Variants in VAV3 observed in about 807,000 individuals in gnomAD.
VAV3 encodes the protein vav guanine nucleotide exchange factor 3.
In VAV3, 94 loss-of-function variants were observed where a neutral mutation model predicts 131.2. That is an observed-to-expected ratio of 0.72 (90% CI 0.61 to 0.85). The LOEUF is 0.85. Among genes scored for constraint, VAV3 ranks in the 40% least tolerant of loss-of-function variants. The probability of loss-of-function intolerance (pLI) is 0.00; values close to 1 mark genes in which losing one functional copy is unlikely to be tolerated. For missense variants in VAV3, 939 were observed against 1,002.7 expected, an observed-to-expected ratio of 0.94 and a Z score of 0.86; for synonymous variants, 349 against 342.0, an observed-to-expected ratio of 1.02 and a Z score of -0.22.
At chr1:107,739,350 T>C (rs61357995) in intron 15 of VAV3, among the ~76,000 whole-genome samples, 3,903 of 152,318 alleles carry the variant, frequency 0.026, 174 homozygotes, top group African/African-American at 0.087. Flanking sequence ...GCTGTGATTT[T>C]TCTGAGCACT....
intron 1 of VAV3, among the ~76,000 whole-genome samples, chr1:107,924,970 T>C (rs1673081681): frequency 6.6e-6 from 1 of 152,196 alleles, no homozygotes; most frequent in Admixed American, 6.5e-5. Flanking sequence ...ATGTACAGGA[T>C]GGTCAAGGCA....
At chr1:107,689,661 T>C (rs927734537) in intron 17 of VAV3, among the ~76,000 whole-genome samples, 6 of 152,300 alleles carry the variant, frequency 3.9e-5, no homozygotes, top group African/African-American at 9.6e-5. Flanking sequence ...CACAAATAAC[T>C]GCCTTCTATG....
intron 8 of VAV3, among the ~76,000 whole-genome samples, chr1:107,766,240 C>G (rs1429318854): frequency 6.6e-6 from 1 of 152,092 alleles, no homozygotes; most frequent in Non-Finnish European, 1.5e-5. Flanking sequence ...GTCCTTCCCC[C>G]TCCTCCTTCT....
intron 2 of VAV3, among the ~76,000 whole-genome samples, chr1:107,788,081 C>T (rs967536403): frequency 6.6e-6 from 1 of 152,154 alleles, no homozygotes; most frequent in African/African-American, 2.4e-5. Flanking sequence ...TTCTCTCCTC[C>T]CATGCCTCTG....
chr1:107,864,709 C>T (rs1402994577), intron 2 of VAV3, among the ~76,000 whole-genome samples: 1 of 152,156 alleles, frequency 6.6e-6, no homozygotes, highest in Non-Finnish European at 1.5e-5. Context: ...GGTTTCCTTC[C>T]CAGTCTGTCT....
chr1:107,707,112 A>G (rs1236475753), intron 15 of VAV3, among the ~76,000 whole-genome samples: 5 of 152,240 alleles, frequency 3.3e-5, no homozygotes, highest in African/African-American at 1.2e-4. Context: ...TGTTAACAGT[A>G]GCTGCCCTAT....
chr1:107,586,251 G>A (rs1489293699), intron 25 of VAV3, among the ~76,000 whole-genome samples: 1 of 151,790 alleles, frequency 6.6e-6, no homozygotes, highest in Non-Finnish European at 1.5e-5. Context: ...ATCTCCATTA[G>A]AGTAGGGAAT....
intron 25 of VAV3, among the ~76,000 whole-genome samples, chr1:107,581,164 T>C (rs1462756278): frequency 6.6e-6 from 1 of 152,242 alleles, no homozygotes; most frequent in African/African-American, 2.4e-5. Context: ...CTGCGACCTT[T>C]TTCAATAGGT....
chr1:107,751,349 A>G, intron 12 of VAV3, 147 bp from the exon 13 acceptor site: 1 of 651,244 alleles, frequency 1.5e-6, no homozygotes, highest in Non-Finnish European at 2.5e-6. Flanking sequence ...TTACTCTAAA[A>G]AGCTCAGGTC....
At chr1:107,920,527 G>A (rs1672844681) in intron 1 of VAV3, among the ~76,000 whole-genome samples, 1 of 152,186 alleles carries the variant, frequency 6.6e-6, no homozygotes, top group Non-Finnish European at 1.5e-5. Flanking sequence ...TCTCACAAAT[G>A]TGTATATCTC....
intron 20 of VAV3, among the ~76,000 whole-genome samples, chr1:107,621,752 G>A (rs950312125): frequency 6.6e-6 from 1 of 152,010 alleles, no homozygotes; most frequent in African/African-American, 2.4e-5. Context: ...TTATCCTCCT[G>A]CCTCGTATTT....
rs561017259 is a variant in VAV3, at chr1:107,906,676, AAATAC to A, written c.205-31664_205-31660del. On this transcript the variant is annotated intron_variant, in intron 1 of 26. Coordinates refer to ENST00000370056, the MANE Select transcript of VAV3 (RefSeq NM_006113.5). ...GCAAGACTCCATTTCAAAAAAATTA[AAATAC>A]AATACAATACAATACATAAAATAAA... is the stretch of plus-strand genomic sequence containing the variant. Among the ~76,000 whole-genome samples the A allele has an allele frequency of 8.5e-4, 129 of 152,296 alleles. 1 individual carries two copies. The highest frequency in any genetic ancestry group is 2.8e-3 in the African/African-American group (115 of 41,568).
At chr1:107,633,256 A>G (rs994043763) in intron 20 of VAV3, among the ~76,000 whole-genome samples, 5 of 152,226 alleles carry the variant, frequency 3.3e-5, no homozygotes, top group African/African-American at 9.6e-5. Flanking sequence ...GAAAAGAAAC[A>G]GAGCTTGGTT....
chr1:107,665,534 G>T lies in VAV3; in HGVS notation c.1777+17954C>A, dbSNP rs928330819. The stretch of plus-strand genomic sequence containing the variant: ...TCTCCCTAGGAAATGTAAAGATAAA[G>T]ACCAGGTGTTTGTCCTCAAAGGAGC... On this transcript the variant is annotated intron_variant, in intron 19 of 26. Coordinates refer to ENST00000370056, the MANE Select transcript of VAV3 (RefSeq NM_006113.5). Among the ~76,000 whole-genome samples, 3 of 152,202 alleles carry T rather than the reference G, an allele frequency of 2.0e-5. No homozygotes were observed. The East Asian group carries it at 5.8e-4, about 29-fold the overall frequency.
rs1427354502 is a variant in VAV3, at chr1:107,617,568, C to T, written c.1979G>A (p.Cys660Tyr). The T allele has an allele frequency of 6.2e-7, 1 of 1,610,342 alleles. No individual in the cohort carries two copies. ...FPSDAVKPCP[C>Y]VPKPVDYSCQ... is the part of the protein sequence containing the mutation. ...GAAAATTAAGATACTAATACTTACA[C>T]ATGGGCAAGGCTTGACTGCATCACT... The change falls in exon 21 of 27, where the codon TGT (cysteine) becomes TAT (tyrosine). Residue 660 changes from cysteine (C) to tyrosine (Y), a missense_variant and splice_region_variant. Coordinates refer to ENST00000370056, the MANE Select transcript of VAV3 (RefSeq NM_006113.5).
intron 24 of VAV3, 30 bp from the exon 25 acceptor site, chr1:107,596,371 G>C: frequency 6.2e-7 from 1 of 1,609,146 alleles, no homozygotes; most frequent in South Asian, 1.1e-5. Context: ...ACATATTTTT[G>C]ATAAGGATAC....
At chr1:107,894,500 T>C (rs1025989068) in intron 1 of VAV3, among the ~76,000 whole-genome samples, 1 of 152,106 alleles carries the variant, frequency 6.6e-6, no homozygotes, top group Non-Finnish European at 1.5e-5. Flanking sequence ...TAAATCTCAT[T>C]AGACAAGAAA....
intron 2 of VAV3, among the ~76,000 whole-genome samples, chr1:107,817,112 C>A (rs1667592535): frequency 6.6e-6 from 1 of 152,158 alleles, no homozygotes; most frequent in Non-Finnish European, 1.5e-5. Flanking sequence ...GGCTCTTGCT[C>A]TGAAGGAGTT....
chr1:107,730,149 C>T (rs989061289), intron 15 of VAV3, among the ~76,000 whole-genome samples: 1 of 152,184 alleles, frequency 6.6e-6, no homozygotes, highest in East Asian at 1.9e-4. Context: ...TAGATAACCA[C>T]TTCAAATTTG....
Sources: gnomAD v4.1 joint callset for allele counts (sites outside exome capture counted in the v4.1 genomes callset) on GRCh38, gnomAD v4.1.1 for gene constraint, MANE v1.5 for transcripts, NCBI Gene and HGNC (gene_info 2026-07-23, HGNC 2026-07-21) for gene names.